Variants in RORB observed in about 807,000 individuals in gnomAD.
The protein encoded by RORB is nuclear receptor ROR-beta.
In RORB, 6 loss-of-function variants were observed where a neutral mutation model predicts 59.1. The ratio of observed to expected loss-of-function variants is 0.10; its 90% confidence interval spans 0.06 to 0.20. The LOEUF (loss-of-function observed/expected upper bound fraction) is 0.20, where lower values mean the gene tolerates loss of function less well. Ranked by LOEUF, RORB falls within the 10% of genes least tolerant of loss-of-function variation. The pLI is 1.00. For missense variants in RORB, 320 were observed against 560.5 expected (o/e 0.57, Z 4.33); for synonymous variants, 215 against 204.5 (o/e 1.05, Z -0.44).
At chr9:74,556,553 C>T (rs2118179361) in intron 1 of RORB, among the ~76,000 whole-genome samples, 1 of 152,226 alleles carries the variant, frequency 6.6e-6, no homozygotes, top group East Asian at 1.9e-4. Context: ...ACAAAGCCCA[C>T]CCTTCCCTGC....
At chr9:74,668,793 G>A (rs1010501185) in intron 8 of RORB, among the ~76,000 whole-genome samples, 1 of 152,114 alleles carries the variant, frequency 6.6e-6, no homozygotes, top group African/African-American at 2.4e-5. Context: ...CAGGGTGGCA[G>A]AAACAGAAGG....
Position 74,611,563 on chromosome 9 carries a change from G to A in RORB, c.8-18719G>A, listed in dbSNP as rs567239651. Among the ~76,000 whole-genome samples, 5 of 152,262 alleles carry A rather than the reference G, an allele frequency of 3.3e-5. No individual in the cohort carries two copies. The South Asian group carries it at 8.3e-4, about 25-fold the overall frequency. On this transcript the variant is annotated intron_variant, in intron 1 of 9. Transcript: ENST00000376896. ...GTTAGGGGAAATCATGAGAGTAGGC[G>A]GTGAGACTCCTATATGGTCCCCCAG... is the stretch of plus-strand genomic sequence containing the variant.
intron 1 of RORB, among the ~76,000 whole-genome samples, chr9:74,535,053 G>T (rs1043277554): frequency 6.6e-6 from 1 of 152,008 alleles, no homozygotes; most frequent in East Asian, 1.9e-4. Context: ...TTGTGACAGC[G>T]CATCACAAGA....
At chr9:74,597,251 C>T (rs1370602797) in intron 1 of RORB, among the ~76,000 whole-genome samples, 2 of 152,104 alleles carry the variant, frequency 1.3e-5, no homozygotes, top group African/African-American at 4.8e-5. Context: ...ATTAGGATAC[C>T]CAAGTTTTAG....
intron 1 of RORB, among the ~76,000 whole-genome samples, chr9:74,568,699 CAA>C (rs34771605): frequency 1.1e-4 from 12 of 107,340 alleles, no homozygotes; most frequent in Admixed American, 2.9e-4. Flanking sequence ...GACTCCATCT[CAA>C]AAAAAAAAAA....
intron 1 of RORB, among the ~76,000 whole-genome samples, chr9:74,603,534 G>C (rs904523063): frequency 2.6e-5 from 4 of 152,116 alleles, no homozygotes; most frequent in African/African-American, 9.7e-5. Flanking sequence ...CCACTGGGAG[G>C]ATCATGAATT....
chr9:74,531,793 T>G (rs1452532770), intron 1 of RORB, among the ~76,000 whole-genome samples: 4 of 151,974 alleles, frequency 2.6e-5, no homozygotes, highest in African/African-American at 9.7e-5. Context: ...AAATTTTGAG[T>G]GTAAACATAC....
At chr9:74,681,755 T>C (rs546378978) in intron 9 of RORB, among the ~76,000 whole-genome samples, 172 of 152,348 alleles carry the variant, frequency 1.1e-3, no homozygotes, top group Non-Finnish European at 2.1e-3. Flanking sequence ...CACCCTCTTA[T>C]ACATTTCATG....
At chr9:74,665,425 T>C (rs1405858716) in intron 6 of RORB, 63 bp from the exon 7 acceptor site, 7 of 979,710 alleles carry the variant, frequency 7.1e-6, no homozygotes, top group African/African-American at 1.7e-5. Context: ...AGTAATAATT[T>C]CTTTATTATT....
intron 1 of RORB, among the ~76,000 whole-genome samples, chr9:74,609,164 A>T (rs2118350168): frequency 6.6e-6 from 1 of 152,350 alleles, no homozygotes; most frequent in East Asian, 1.9e-4. Context: ...AAGTGCATTC[A>T]CATATATTAT....
chr9:74,583,114 T>C (rs1431738547), intron 1 of RORB, among the ~76,000 whole-genome samples: 1 of 152,110 alleles, frequency 6.6e-6, no homozygotes, highest in African/African-American at 2.4e-5. Flanking sequence ...CTACCCACCC[T>C]CTTTCCCCAA....
Position 74,630,313 on chromosome 9 carries a change from T to C in RORB, c.39T>C (p.Cys13=). The C allele has an allele frequency of 6.2e-7, 1 of 1,613,664 alleles. No individual in the cohort carries two copies. The highest frequency in any genetic ancestry group is 2.2e-5 in the East Asian group (1 of 44,882). Reference sequence around the variant, plus strand: ...TTGAAGTGATACCATGCAAAATTTGTGGCGATAAGTCCTCTGGGATCCACT... The same window carrying C: ...TTGAAGTGATACCATGCAAAATTTGCGGCGATAAGTCCTCTGGGATCCACT... ...AQIEVIPCKI[C]GDKSSGIHYG... is the part of the protein sequence containing the mutation. The change falls in exon 2 of 10, where the codon TGT becomes TGC. Residue 13 remains cysteine (C), a synonymous_variant. Transcript: ENST00000376896.
chr9:74,619,740 C>G (rs1823377825), intron 1 of RORB, among the ~76,000 whole-genome samples: 1 of 152,182 alleles, frequency 6.6e-6, no homozygotes. Flanking sequence ...GTTGGTTGTT[C>G]TTAGCATGAA....
intron 1 of RORB, among the ~76,000 whole-genome samples, chr9:74,508,361 T>C (rs1825895409): frequency 6.6e-6 from 1 of 152,026 alleles, no homozygotes; most frequent in Non-Finnish European, 1.5e-5. Context: ...TTAAAATTTA[T>C]GTGATTGGTT....
intron 1 of RORB, among the ~76,000 whole-genome samples, chr9:74,576,768 T>A (rs984448353): frequency 5.3e-5 from 8 of 152,114 alleles, no homozygotes; most frequent in African/African-American, 1.9e-4. Context: ...AAGCCTTTTT[T>A]AAAGAACATT....
At chr9:74,566,258 C>T (rs935420623) in intron 1 of RORB, among the ~76,000 whole-genome samples, 19 of 151,940 alleles carry the variant, frequency 1.3e-4, no homozygotes, top group African/African-American at 4.1e-4. Context: ...TTTTTTCTGG[C>T]TCTATGAAAT....
chr9:74,569,784 A>G (rs1382999065), intron 1 of RORB, among the ~76,000 whole-genome samples: 1 of 152,094 alleles, frequency 6.6e-6, no homozygotes, highest in African/African-American at 2.4e-5. Flanking sequence ...GACAACTCTA[A>G]TACAAATATG....
chr9:74,616,311 T>A (rs2118370708), intron 1 of RORB, among the ~76,000 whole-genome samples: 1 of 152,304 alleles, frequency 6.6e-6, no homozygotes, highest in Non-Finnish European at 1.5e-5. Context: ...GTTGGAAATA[T>A]TAAAATGAAA....
Position 74,687,116 on chromosome 9 carries a change from A to C in RORB, c.*1498A>C, listed in dbSNP as rs1824660553. The C allele has an allele frequency of 6.6e-6, 1 of 152,110 alleles. No homozygotes were observed. Among genetic ancestry groups the C allele is most frequent in the Non-Finnish European group, 1.5e-5 (1 of 68,010 alleles). 9.4% of individuals were successfully genotyped at this position (152,110 alleles called of 1,614,324 possible). On this transcript the variant is annotated 3_prime_UTR_variant, in exon 10 of 10. Transcript: ENST00000376896. ...TCATAAGAAAAGCATATATTCCAAG[A>C]AATTTGTTCTGCCTGTGTCCTGGAG...
Sources: allele counts gnomAD v4.1 joint callset (sites outside exome capture counted in the v4.1 genomes callset), GRCh38; gene constraint gnomAD v4.1.1; transcripts MANE v1.5; gene names NCBI Gene and HGNC (gene_info 2026-07-23, HGNC 2026-07-21).